TMEM8B: variants seen among roughly 807,000 people sequenced by gnomAD.
TMEM8B encodes the protein transmembrane protein 8B, also known as nasopharyngeal carcinoma expressed 6.
In TMEM8B, 29 loss-of-function variants were observed where a neutral mutation model predicts 49.3. The observed-to-expected ratio is 0.59, with a 90% CI of 0.44 to 0.80. The LOEUF (loss-of-function observed/expected upper bound fraction) is 0.80. TMEM8B is among the 30% of genes least tolerant of loss of function. TMEM8B has a pLI of 0.00. For missense variants in TMEM8B, 575 were observed against 658.5 expected (o/e 0.87, Z 1.39); for synonymous variants, 264 against 272.8 (o/e 0.97, Z 0.32).
chr9:35,847,319 T>C (rs897177628), intron 10 of TMEM8B: 18 of 655,446 alleles, frequency 2.7e-5, no homozygotes, highest in Non-Finnish European at 4.1e-5. Context: ...AAGTATGGAT[T>C]TGTGTCTGCA....
At position 35,845,976 on chromosome 9, in the gene TMEM8B, G is replaced by A. The variant is rs368529859; in HGVS notation, c.1637G>A (p.Ser546Asn). Residue 546 changes from serine (S) to asparagine (N), a missense_variant and splice_region_variant, in exon 7 of 13, where the codon AGC becomes AAC. Transcript: ENST00000643932. ...CACTTCCATACCTGCCCTCCCCAGAGCTCCGTGCGCCAGGAAAACGTGACG... is the reference window on the plus strand; with the variant it reads ...CACTTCCATACCTGCCCTCCCCAGAACTCCGTGCGCCAGGAAAACGTGACG... ...VLSLELQLNA[S>N]SVRQENVTVF... 3.7e-5 allele frequency: 60 copies of A among 1,613,856 alleles called. No individual in the cohort carries two copies. Among genetic ancestry groups the A allele is most frequent in the Non-Finnish European group, 4.9e-5 (58 of 1,179,936 alleles).
In TMEM8B at chr9:35,858,108, CTT is replaced by C. The variant is rs11392556; in HGVS notation, c.*4281_*4282del. ...GCTGTTCCATTTTTTTTCTTTCTTT[CTT>C]TTTTTTTTTTTTGAGACGGAGTCTC... On this transcript the variant is annotated 3_prime_UTR_variant, in exon 13 of 13. Coordinates refer to ENST00000643932, the MANE Select transcript of TMEM8B (RefSeq NM_001042590.4). 6 of 142,126 alleles carry C rather than the reference CTT, an allele frequency of 4.2e-5. No individual in the cohort carries two copies. Among genetic ancestry groups the C allele is most frequent in the Non-Finnish European group, 7.6e-5 (5 of 66,082 alleles). The allele number at this position is 142,126 out of a possible 1,614,324, so 8.8% of individuals were successfully genotyped here. A position where few individuals can be genotyped will look rare whatever the true frequency, so the allele number is the denominator to read the frequency against.
rs1165422693 is a variant in TMEM8B, at chr9:35,859,257, C to T, written c.*5417C>T. The stretch of plus-strand genomic sequence containing the variant: ...CCCATAAAAAACCACCACCACTGTG[C>T]GGTGGGCTGAGCAGGTGGAGAAGGC... On this transcript the variant is annotated 3_prime_UTR_variant, in exon 13 of 13. Coordinates refer to ENST00000643932, the MANE Select transcript of TMEM8B (RefSeq NM_001042590.4). 1.9e-5 allele frequency: 3 copies of T among 159,338 alleles called. No homozygotes were observed. Among genetic ancestry groups the T allele is most frequent in the Non-Finnish European group, 2.8e-5 (2 of 71,250 alleles). 9.9% of individuals were successfully genotyped at this position (159,338 alleles called of 1,614,324 possible). A position where few individuals can be genotyped will look rare whatever the true frequency, so the allele number is the denominator to read the frequency against.
At chr9:35,833,747 C>T (rs779140204) in intron 1 of TMEM8B, among the ~76,000 whole-genome samples, 2 of 152,168 alleles carry the variant, frequency 1.3e-5, no homozygotes, top group Admixed American at 6.5e-5. Flanking sequence ...CCTGATGACT[C>T]TCCTTTCCTG....
intron 6 of TMEM8B, chr9:35,845,755 CGT>C: frequency 1.0e-6 from 1 of 985,266 alleles, no homozygotes; most frequent in Non-Finnish European, 1.2e-6. Context: ...TGGGCCTTGC[CGT>C]CTCATCAGTC....
intron 3 of TMEM8B, among the ~76,000 whole-genome samples, chr9:35,838,398 C>T (rs1018342169): frequency 6.6e-6 from 1 of 151,974 alleles, no homozygotes; most frequent in South Asian, 2.1e-4. Context: ...ACTGCCCACT[C>T]CTCTGTCTCC....
chr9:35,847,209 A>G, intron 10 of TMEM8B: 2 of 1,523,902 alleles, frequency 1.3e-6, no homozygotes, highest in East Asian at 4.5e-5. Context: ...ACTGTTTGCA[A>G]CTTAATAAAG....
chr9:35,852,973 G>C lies in TMEM8B; in HGVS notation c.2322G>C (p.Gln774His), dbSNP rs1389645130. The change falls in exon 11 of 13, where the codon CAG becomes CAC. Residue 774 changes from glutamine (Q) to histidine (H), a missense_variant and splice_region_variant. Transcript: ENST00000643932. ...AMARLQPVVK[Q>H]VLYLLGAMLL... Reference sequence around the variant, plus strand: ...CTCGTTTACAGCCCGTGGTCAAGCAGGTCAGTCCAGAGTGGGCCCTGGGGA... The same window carrying C: ...CTCGTTTACAGCCCGTGGTCAAGCACGTCAGTCCAGAGTGGGCCCTGGGGA... 6.2e-7 allele frequency: 1 copy of C among 1,614,182 alleles called. No homozygotes were observed. Among genetic ancestry groups the C allele is most frequent in the Non-Finnish European group, 8.5e-7 (1 of 1,180,034 alleles).
chr9:35,841,139 C>T lies in TMEM8B; in HGVS notation c.912C>T (p.Leu304=), dbSNP rs1378229949. Residue 304 remains leucine, a synonymous_variant, in exon 4 of 13, where the codon CTC becomes CTT. Coordinates refer to ENST00000643932, the MANE Select transcript of TMEM8B (RefSeq NM_001042590.4). This position sits in a 1 kb window ranked among gnomAD's most constrained non-coding sequence, Gnocchi z 5.9. The part of the protein sequence containing the change: ...QAHGHISVKG[L]QDECQYLLQP... Reference sequence around the variant, plus strand: ...CACCCCTGCTTTTGTCCCAGGGTCTCCAGGATGAGTGTCAGTACCTCCTTC... The same window carrying T: ...CACCCCTGCTTTTGTCCCAGGGTCTTCAGGATGAGTGTCAGTACCTCCTTC... 1 of 415,828 alleles carries T rather than the reference C, an allele frequency of 2.4e-6. No homozygotes were observed. Among genetic ancestry groups the T allele is most frequent in the Non-Finnish European group, 4.4e-6 (1 of 226,480 alleles). The allele number at this position is 415,828 out of a possible 1,614,324, so 25.8% of individuals were successfully genotyped here.
Position 35,842,355 on chromosome 9 carries a change from G to T in TMEM8B, c.1310-37G>T. 1 of 1,439,282 alleles carries T rather than the reference G, an allele frequency of 6.9e-7. No homozygotes were observed. Among genetic ancestry groups the T allele is most frequent in the South Asian group, 1.5e-5 (1 of 68,940 alleles). The allele number at this position is 1,439,282 out of a possible 1,614,324, so 89.2% of individuals were successfully genotyped here. ...TATGAGTAAGTTCAGGACTGTAAAGGCTGCAGGCCCAAGCTCTGGTTTCCT... is the reference window on the plus strand; with the variant it reads ...TATGAGTAAGTTCAGGACTGTAAAGTCTGCAGGCCCAAGCTCTGGTTTCCT... On this transcript the variant is annotated intron_variant, in intron 5 of 12. Transcript: ENST00000643932. The surrounding 1 kb of genome is among the most constrained non-coding windows in gnomAD (Gnocchi z 5.6).
intron 3 of TMEM8B, among the ~76,000 whole-genome samples, chr9:35,840,180 G>A (rs570252844): frequency 1.3e-5 from 2 of 152,234 alleles, no homozygotes; most frequent in Non-Finnish European, 2.9e-5. Context: ...GAGCCATGGG[G>A]TGTCAACAGA....
In TMEM8B at chr9:35,829,836, C is replaced by T. The variant is rs1251433139; in HGVS notation, c.389C>T (p.Pro130Leu). 2.4e-6 allele frequency: 1 copy of T among 416,320 alleles called. No individual in the cohort carries two copies. The highest frequency in any genetic ancestry group is 4.4e-6 in the Non-Finnish European group (1 of 226,720). The allele number at this position is 416,320 out of a possible 1,614,324, so 25.8% of individuals were successfully genotyped here. A position where few individuals can be genotyped will look rare whatever the true frequency, so the allele number is the denominator to read the frequency against. ...TCTCTGTGTTTACCCAAGTCTCTCCCTCTAGTCCCCCCTATCTCTCATACT... is the reference window on the plus strand; with the variant it reads ...TCTCTGTGTTTACCCAAGTCTCTCCTTCTAGTCCCCCCTATCTCTCATACT... ...PSSLCLPKSL[P>L]LVPPISHTLP... Residue 130 changes from proline (P) to leucine (L), a missense_variant, in exon 1 of 13, where the codon CCT (proline) becomes CTT (leucine). Transcript: ENST00000643932.
rs1374325900 is a variant in TMEM8B, at chr9:35,829,587, T to C, written c.140T>C (p.Leu47Pro). The change falls in exon 1 of 13, where the codon CTG becomes CCG. Residue 47 changes from leucine to proline, a missense_variant. Leu to Pro is a moderately conservative substitution (Grantham distance 98). Transcript: ENST00000643932. ...PSRTPFQSLP[L>P]AWPPSRPRPS... is the part of the protein sequence containing the mutation. ...AGGACCCCCTTCCAGTCTCTGCCCC[T>C]GGCCTGGCCCCCATCCCGGCCTCGG... is the stretch of plus-strand genomic sequence containing the variant. 1.4e-5 allele frequency: 2 copies of C among 139,138 alleles called. No homozygotes were observed. The highest frequency in any genetic ancestry group is 3.3e-5 in the African/African-American group (1 of 30,140). 8.6% of individuals were successfully genotyped at this position (139,138 alleles called of 1,614,324 possible). A position where few individuals can be genotyped will look rare whatever the true frequency, so the allele number is the denominator to read the frequency against.
chr9:35,842,414 C>T lies in TMEM8B; in HGVS notation c.1332C>T (p.Leu444=), dbSNP rs1316145682. The change falls in exon 6 of 13, where the codon CTC becomes CTT. Residue 444 remains leucine, a synonymous_variant. Coordinates refer to ENST00000643932, the MANE Select transcript of TMEM8B (RefSeq NM_001042590.4). This position sits in a 1 kb window ranked among gnomAD's most constrained non-coding sequence, Gnocchi z 5.6. ...RLQECPQPGL[L]RALVPGAAMN... ...CAGAGTGCCCACAGCCCGGCCTGCT[C>T]CGAGCCCTGGTCCCTGGAGCTGCCA... The T allele has an allele frequency of 6.5e-7, 1 of 1,539,286 alleles. No homozygotes were observed. The highest frequency in any genetic ancestry group is 8.8e-7 in the Non-Finnish European group (1 of 1,141,010).
chr9:35,840,423 C>G (rs1452082847), intron 3 of TMEM8B, among the ~76,000 whole-genome samples: 1 of 152,208 alleles, frequency 6.6e-6, no homozygotes, highest in Non-Finnish European at 1.5e-5. Context: ...AAACATTCAT[C>G]TGTGAGGTAT....
chr9:35,831,697 G>A (rs1432283460), intron 1 of TMEM8B, among the ~76,000 whole-genome samples: 3 of 152,238 alleles, frequency 2.0e-5, no homozygotes, highest in African/African-American at 4.8e-5. Context: ...GTGACCGACA[G>A]CCACAGAGCA....
At chr9:35,840,757 C>T (rs1036226104) in intron 3 of TMEM8B, among the ~76,000 whole-genome samples, 12 of 152,242 alleles carry the variant, frequency 7.9e-5, no homozygotes, top group African/African-American at 2.9e-4. Context: ...GTTCTAAGTT[C>T]CTGAGCCTGC....
rs1306691877 is a variant in TMEM8B, at chr9:35,853,579, C to G, written c.2514C>G (p.Gly838=). ...WRRWLFYLCP[G]SLIAGSAVLL... ...GCTGGCTTTTCTACTTGTGCCCTGGCAGCCTTATTGCAGGCAGTGCCGTCC... is the reference window on the plus strand; with the variant it reads ...GCTGGCTTTTCTACTTGTGCCCTGGGAGCCTTATTGCAGGCAGTGCCGTCC... Residue 838 remains glycine (G), a synonymous_variant, in exon 13 of 13, where the codon GGC becomes GGG. Coordinates refer to ENST00000643932, the MANE Select transcript of TMEM8B (RefSeq NM_001042590.4). The surrounding 1 kb of genome is among the most constrained non-coding windows in gnomAD (Gnocchi z 4.2). 1 of 1,614,248 alleles carries G rather than the reference C, an allele frequency of 6.2e-7. No individual in the cohort carries two copies. Among genetic ancestry groups the G allele is most frequent in the Admixed American group, 1.7e-5 (1 of 60,036 alleles).
Position 35,854,014 on chromosome 9 carries a change from C to G in TMEM8B, c.*174C>G. On this transcript the variant is annotated 3_prime_UTR_variant, in exon 13 of 13. Coordinates refer to ENST00000643932, the MANE Select transcript of TMEM8B (RefSeq NM_001042590.4). ...GCCCTTCCCAGGACATGGAGAACTT[C>G]CTGAGGGCCTGGAGTCCCCCTGCAT... 7.5e-7 allele frequency: 1 copy of G among 1,338,790 alleles called. No individual in the cohort carries two copies. Among genetic ancestry groups the G allele is most frequent in the South Asian group, 2.3e-5 (1 of 42,702 alleles). 82.9% of individuals were successfully genotyped at this position (1,338,790 alleles called of 1,614,324 possible). A position where few individuals can be genotyped will look rare whatever the true frequency, so the allele number is the denominator to read the frequency against.
Sources: gnomAD v4.1 joint callset for allele counts (sites outside exome capture counted in the v4.1 genomes callset) on GRCh38, gnomAD v4.1.1 for gene constraint, Gnocchi (gnomAD v3.1) non-coding constraint, MANE v1.5 for transcripts, NCBI Gene and HGNC (gene_info 2026-07-23, HGNC 2026-07-21) for gene names.